The following SOX13 variants were observed in gnomAD, a reference collection of about 807,000 sequenced individuals.
The protein encoded by SOX13 is SRY-box transcription factor 13.
SOX13 carries 28 observed loss-of-function variants against 71.8 expected under a neutral mutation model. The observed-to-expected ratio is 0.39, with a 90% CI of 0.29 to 0.53. The LOEUF (loss-of-function observed/expected upper bound fraction) is 0.53. SOX13 is among the 20% of genes least tolerant of loss of function. SOX13 has a pLI of 0.70. For synonymous variants in SOX13, 309 were observed against 317.8 expected (o/e 0.97, Z 0.29); for missense variants, 627 against 810.3 (o/e 0.77, Z 2.75).
At chr1:204,076,387 C>T (rs1034025316) in intron 1 of SOX13, among the ~76,000 whole-genome samples, 13 of 152,144 alleles carry the variant, frequency 8.5e-5, no homozygotes, top group Admixed American at 2.6e-4. Flanking sequence ...AGGAGCCCTG[C>T]TCCCTGGGTA....
At chr1:204,108,730 C>T (rs984295258) in intron 1 of SOX13, among the ~76,000 whole-genome samples, 3 of 152,234 alleles carry the variant, frequency 2.0e-5, no homozygotes, top group African/African-American at 7.2e-5. Flanking sequence ...CAGAGGCCCA[C>T]AGGCCCGCAT....
intron 1 of SOX13, among the ~76,000 whole-genome samples, chr1:204,111,356 G>C (rs1656576640): frequency 6.6e-6 from 1 of 152,190 alleles, no homozygotes. Flanking sequence ...AGTAGCTGAG[G>C]CAGGACCCAT....
intron 7 of SOX13, 49 bp from the exon 8 acceptor site, chr1:204,121,851 G>A (rs1217685394): frequency 7.8e-7 from 1 of 1,287,720 alleles, no homozygotes; most frequent in East Asian, 2.3e-5. Flanking sequence ...CAGGGTGTCT[G>A]CTGTTCTGTG....
At chr1:204,106,573 GC>G (rs1280776159) in intron 1 of SOX13, among the ~76,000 whole-genome samples, 1 of 149,064 alleles carries the variant, frequency 6.7e-6, no homozygotes, top group African/African-American at 2.5e-5. Context: ...AGGCTGGAGT[GC>G]AGAGGCGTGA....
Position 204,086,382 on chromosome 1 carries a change from C to T in SOX13, c.-2+12671C>T, listed in dbSNP as rs369171069. 3.9e-5 allele frequency among the ~76,000 whole-genome samples: 6 copies of T among 152,270 alleles called. No homozygotes were observed. The East Asian group carries it at 7.7e-4, about 20-fold the overall frequency. ...GCAGTGGCGCGATCTCGGCTCACTG[C>T]AACCTCCGCCTCCCAGGTTCAAGAG... On this transcript the variant is annotated intron_variant, in intron 1 of 13. Transcript: ENST00000367204.
At chr1:204,106,797 G>A (rs1338208145) in intron 1 of SOX13, among the ~76,000 whole-genome samples, 1 of 152,064 alleles carries the variant, frequency 6.6e-6, no homozygotes, top group Non-Finnish European at 1.5e-5. Flanking sequence ...GAGCCATCGC[G>A]CCCAGCGACT....
At position 204,116,500 on chromosome 1, in the gene SOX13, G is replaced by A. The variant is rs1347143591; in HGVS notation, c.419-7G>A. 1.2e-6 allele frequency: 2 copies of A among 1,613,604 alleles called. No individual in the cohort carries two copies. The highest frequency in any genetic ancestry group is 1.7e-6 in the Non-Finnish European group (2 of 1,179,610). On this transcript the variant is annotated splice_polypyrimidine_tract_variant and splice_region_variant and intron_variant, in intron 4 of 13. Transcript: ENST00000367204. ...GTCTCAATGGGGTCTGTTTCACTGT[G>A]GAGCAGGGACCCAAGAGAGCCTAGC...
chr1:204,118,159 T>C, intron 7 of SOX13: 1 of 162,276 alleles, frequency 6.2e-6, no homozygotes, highest in Non-Finnish European at 1.3e-5. Context: ...TGGTGGTGCA[T>C]GCCTGTAGTC....
At chr1:204,100,760 G>T (rs1386347284) in intron 1 of SOX13, among the ~76,000 whole-genome samples, 2 of 152,178 alleles carry the variant, frequency 1.3e-5, no homozygotes, top group African/African-American at 4.8e-5. Context: ...GCTAAACTGG[G>T]GTGTCCGATG....
At chr1:204,077,817 G>A (rs1206924319) in intron 1 of SOX13, among the ~76,000 whole-genome samples, 1 of 152,008 alleles carries the variant, frequency 6.6e-6, no homozygotes, top group African/African-American at 2.4e-5. Context: ...TTGCTTGTTT[G>A]TTTGTTTGTT....
rs533751909 is a variant in SOX13, at chr1:204,076,215, T to C, written c.-2+2504T>C. Among the ~76,000 whole-genome samples, 90 of 152,186 alleles carry C rather than the reference T, an allele frequency of 5.9e-4. 3 individuals are homozygous for C. Among genetic ancestry groups the C allele is most frequent in the Non-Finnish European group, 1.6e-4 (11 of 68,042 alleles). ...AATCAGGTCCCAGGAAGGAATTGTCTCCAAAAGGGTGTCCCTTGAGCGTCC... is the reference window on the plus strand; with the variant it reads ...AATCAGGTCCCAGGAAGGAATTGTCCCCAAAAGGGTGTCCCTTGAGCGTCC... On this transcript the variant is annotated intron_variant, in intron 1 of 13. Coordinates refer to ENST00000367204, the MANE Select transcript of SOX13 (RefSeq NM_005686.3).
intron 2 of SOX13, among the ~76,000 whole-genome samples, chr1:204,114,075 G>A (rs865819076): frequency 7.2e-5 from 11 of 152,222 alleles, no homozygotes; most frequent in Non-Finnish European, 8.8e-5. Flanking sequence ...AGGGACTTGT[G>A]TGGGATCAAG....
At chr1:204,087,642 G>C (rs1311260654) in intron 1 of SOX13, among the ~76,000 whole-genome samples, 4 of 152,214 alleles carry the variant, frequency 2.6e-5, no homozygotes, top group Non-Finnish European at 5.9e-5. Flanking sequence ...TCTGCAACTT[G>C]GGAAGGAGCA....
At chr1:204,089,222 A>T (rs1201334484) in intron 1 of SOX13, among the ~76,000 whole-genome samples, 1 of 152,132 alleles carries the variant, frequency 6.6e-6, no homozygotes, top group Non-Finnish European at 1.5e-5. Flanking sequence ...AGAGGAGCAG[A>T]TCAACAATTT....
At chr1:204,096,238 C>CTTT (rs1491344524) in intron 1 of SOX13, among the ~76,000 whole-genome samples, 19 of 61,230 alleles carry the variant, frequency 3.1e-4, no homozygotes, top group East Asian at 6.3e-4. Context: ...TTCTTTCTTT[C>CTTT]GTTTTTTTTT....
chr1:204,126,261 C>A lies in SOX13; in HGVS notation c.*127C>A. The stretch of plus-strand genomic sequence containing the variant: ...GTTCGTGCCCCAGAGATGGGCAAAG[C>A]TGTGCACTTGCAGATACATTCATGA... On this transcript the variant is annotated 3_prime_UTR_variant, in exon 14 of 14. Transcript: ENST00000367204. 1 of 1,018,250 alleles carries A rather than the reference C, an allele frequency of 9.8e-7. No homozygotes were observed. The highest frequency in any genetic ancestry group is 1.4e-6 in the Non-Finnish European group (1 of 692,892). 63.1% of individuals were successfully genotyped at this position (1,018,250 alleles called of 1,614,324 possible). A position where few individuals can be genotyped will look rare whatever the true frequency, so the allele number is the denominator to read the frequency against.
chr1:204,085,892 A>G (rs1656007350), intron 1 of SOX13, among the ~76,000 whole-genome samples: 1 of 151,480 alleles, frequency 6.6e-6, no homozygotes, highest in Admixed American at 6.6e-5. Context: ...AGGCAGGTGA[A>G]TGGTGTGAAC....
intron 1 of SOX13, among the ~76,000 whole-genome samples, chr1:204,110,408 C>A (rs905175189): frequency 2.6e-5 from 4 of 151,454 alleles, no homozygotes; most frequent in Admixed American, 2.0e-4. Flanking sequence ...TCAAGCAATC[C>A]TCCTGCCTTA....
chr1:204,087,967 C>T (rs1046792434), intron 1 of SOX13, among the ~76,000 whole-genome samples: 4 of 152,136 alleles, frequency 2.6e-5, no homozygotes, highest in African/African-American at 7.2e-5. Flanking sequence ...CTGGTCTATG[C>T]GGTATGTCTG....
Sources: allele counts gnomAD v4.1 joint callset (sites outside exome capture counted in the v4.1 genomes callset), GRCh38; gene constraint gnomAD v4.1.1; transcripts MANE v1.5; gene names NCBI Gene and HGNC (gene_info 2026-07-23, HGNC 2026-07-21).